Variants in KIAA0586 observed in about 807,000 individuals in gnomAD.
KIAA0586 encodes KIAA0586.
A neutral mutation model predicts 169.8 loss-of-function variants in KIAA0586; 144 were observed. That is an observed-to-expected ratio of 0.85 (90% CI 0.74 to 0.97). The LOEUF (loss-of-function observed/expected upper bound fraction) is 0.97. KIAA0586 is among the 50% of genes least tolerant of loss of function. KIAA0586 has a pLI of 0.00. For synonymous variants in KIAA0586, 625 were observed against 612.4 expected (o/e 1.02, Z -0.30); for missense variants, 1,854 against 1,823.0 (o/e 1.02, Z -0.31).
rs373215540 is a variant in KIAA0586 at position 58,522,585 on chromosome 14, G to C, written c.4429+9958G>C. On this transcript the variant is annotated intron_variant, in intron 29 of 30. Coordinates refer to ENST00000652326, the MANE Select transcript of KIAA0586 (RefSeq NM_001329943.3). The stretch of plus-strand genomic sequence containing the variant: ...AGTTGATACTGTGGGTTATTTTTGT[G>C]AACAGCCTGATGTTTGGGACCTTTT... 8.5e-5 allele frequency among the ~76,000 whole-genome samples: 13 copies of C among 152,178 alleles called. 1 individual carries two copies. Among genetic ancestry groups the C allele is most frequent in the Admixed American group, 8.5e-4 (13 of 15,286 alleles).
chr14:58,504,892 T>C (rs548186084), intron 27 of KIAA0586, among the ~76,000 whole-genome samples: 1 of 152,198 alleles, frequency 6.6e-6, no homozygotes, highest in Non-Finnish European at 1.5e-5. Flanking sequence ...CACACTGATA[T>C]TAATCTCATG....
rs568801323 is a variant in KIAA0586, at chr14:58,488,303, G to T, written c.3527+194G>T. On this transcript the variant is annotated intron_variant, in intron 23 of 30. Coordinates refer to ENST00000652326, the MANE Select transcript of KIAA0586 (RefSeq NM_001329943.3). ...ATACCTTCACCTTTTTTCTTAAAAG[G>T]TTTGAAATAGCTAGAAATAAAGGTA... is the stretch of plus-strand genomic sequence containing the variant. 2.6e-5 allele frequency among the ~76,000 whole-genome samples: 4 copies of T among 152,102 alleles called. No homozygotes were observed. In the South Asian group the frequency reaches 6.2e-4, roughly 24 times the overall value.
intron 8 of KIAA0586, among the ~76,000 whole-genome samples, chr14:58,451,497 G>A (rs2039387156): frequency 6.6e-6 from 1 of 152,126 alleles, no homozygotes; most frequent in Non-Finnish European, 1.5e-5. Flanking sequence ...AAAGTGCTGG[G>A]ATTACAGATG....
rs192781224 is a variant in KIAA0586 at position 58,542,556 on chromosome 14, G to T, written c.4495+2420G>T. ...GTACATTTTATTGCTATAACTTCTT[G>T]ATTAAAACACAGTTAACTAGAGTTT... is the stretch of plus-strand genomic sequence containing the variant. On this transcript the variant is annotated intron_variant, in intron 30 of 30. Coordinates refer to ENST00000652326, the MANE Select transcript of KIAA0586 (RefSeq NM_001329943.3). Among the ~76,000 whole-genome samples the T allele has an allele frequency of 3.3e-5, 5 of 152,028 alleles. No individual in the cohort carries two copies. In the South Asian group the frequency reaches 6.2e-4, roughly 19 times the overall value.
chr14:58,492,357 C>T (rs2042890419), intron 26 of KIAA0586, 82 bp downstream of exon 26: 1 of 1,289,034 alleles, frequency 7.8e-7, no homozygotes, highest in East Asian at 2.6e-5. Flanking sequence ...CTAGTTAAAG[C>T]ATGCTAGTAT....
In KIAA0586 at chr14:58,490,232, G is replaced by T. The variant is rs374292446; in HGVS notation, c.3850G>T (p.Val1284Phe). Residue 1284 changes from valine (V) to phenylalanine (F), a missense_variant, in exon 25 of 31, where the codon GTT (valine) becomes TTT (phenylalanine). Transcript: ENST00000652326. Reference sequence around the variant, plus strand: ...CTTATCCAGCACTCTGCATGATGCCGTTGAAATGGTAAGTAACGATTGACT... The same window carrying T: ...CTTATCCAGCACTCTGCATGATGCCTTTGAAATGGTAAGTAACGATTGACT... ...DSLSSTLHDA[V>F]EMEDDPPSEG... 10 of 1,522,436 alleles carry T rather than the reference G, an allele frequency of 6.6e-6. No homozygotes were observed. The South Asian group carries it at 1.1e-4, about 17-fold the overall frequency. 94.3% of individuals were successfully genotyped at this position (1,522,436 alleles called of 1,614,324 possible). A position where few individuals can be genotyped will look rare whatever the true frequency, so the allele number is the denominator to read the frequency against.
intron 29 of KIAA0586, among the ~76,000 whole-genome samples, chr14:58,531,587 G>T (rs1180058821): frequency 6.6e-6 from 1 of 152,120 alleles, no homozygotes; most frequent in East Asian, 1.9e-4. Flanking sequence ...TACACTGTTG[G>T]TGGGAATATA....
intron 3 of KIAA0586, 71 bp from the exon 4 acceptor site, chr14:58,432,317 T>C: frequency 1.1e-6 from 1 of 931,398 alleles, no homozygotes; most frequent in Non-Finnish European, 1.6e-6. Context: ...AAAAAGATTT[T>C]TTTAGTAGCT....
intron 16 of KIAA0586, 65 bp from the exon 17 acceptor site, chr14:58,470,548 C>A: frequency 1.1e-6 from 1 of 916,126 alleles, no homozygotes; most frequent in Non-Finnish European, 1.8e-6. Context: ...TGTATATACA[C>A]ATACTCATAA....
rs80327758 is a variant in KIAA0586, at chr14:58,533,715, T to C, written c.4430-6356T>C. The stretch of plus-strand genomic sequence containing the variant: ...TGGCAGGGCCTATACAGCTGTGCCT[T>C]ACAGCTTGGAACTATTACCCAGAGT... On this transcript the variant is annotated intron_variant, in intron 29 of 30. Coordinates refer to ENST00000652326, the MANE Select transcript of KIAA0586 (RefSeq NM_001329943.3). 3.3e-3 allele frequency among the ~76,000 whole-genome samples: 504 copies of C among 152,310 alleles called. 6 individuals carry two copies. Among genetic ancestry groups the C allele is most frequent in the African/African-American group, 0.012 (483 of 41,556 alleles).
chr14:58,521,791 G>A, intron 29 of KIAA0586: 2 of 807,212 alleles, frequency 2.5e-6, no homozygotes, highest in South Asian at 1.3e-5. Flanking sequence ...GAGCAGAGCA[G>A]TAGTTCCATG....
chr14:58,428,394 C>G lies in KIAA0586; in HGVS notation c.130C>G (p.Pro44Ala). Residue 44 changes from proline (P) to alanine (A), a missense_variant, in exon 1 of 31, where the codon CCT becomes GCT. By Grantham distance (27) the Pro-to-Ala change is conservative. Coordinates refer to ENST00000652326, the MANE Select transcript of KIAA0586 (RefSeq NM_001329943.3). ...VLLKDELPCV[P>A]PALSANKRLP... ...GCTGAAAGATGAGTTGCCCTGTGTT[C>G]CTCCGGCATTGTCTGCAAATAAACG... 1 of 1,613,918 alleles carries G rather than the reference C, an allele frequency of 6.2e-7. No individual in the cohort carries two copies. Among genetic ancestry groups the G allele is most frequent in the South Asian group, 1.1e-5 (1 of 91,080 alleles).
At chr14:58,506,453 C>T (rs1185921013) in intron 27 of KIAA0586, among the ~76,000 whole-genome samples, 7 of 151,268 alleles carry the variant, frequency 4.6e-5, no homozygotes, top group African/African-American at 9.7e-5. Context: ...ACGAGGTGAG[C>T]GGATCACTTG....
chr14:58,544,521 C>A (rs1403502341), intron 30 of KIAA0586, among the ~76,000 whole-genome samples: 1 of 152,180 alleles, frequency 6.6e-6, no homozygotes, highest in African/African-American at 2.4e-5. Context: ...TGCAACCTCA[C>A]CAGCATCTGT....
At chr14:58,448,784 C>T (rs1450112527) in intron 7 of KIAA0586, among the ~76,000 whole-genome samples, 1 of 151,802 alleles carries the variant, frequency 6.6e-6, no homozygotes, top group Non-Finnish European at 1.5e-5. Context: ...TTTAATTAAT[C>T]TCATAAATTA....
chr14:58,490,087 C>T, intron 24 of KIAA0586, 77 bp from the exon 25 acceptor site: 2 of 691,602 alleles, frequency 2.9e-6, no homozygotes, highest in Non-Finnish European at 4.7e-6. Flanking sequence ...ATCTAATATG[C>T]TATGGCTTTA....
In KIAA0586 at chr14:58,504,662, T is replaced by C. The variant is rs370555454; in HGVS notation, c.4169-3893T>C. Among the ~76,000 whole-genome samples, 4 of 152,302 alleles carry C rather than the reference T, an allele frequency of 2.6e-5. 1 individual carries two copies. ...TTAATTAAATTAAATTTGACTTGAA[T>C]GAAATAATATTTTAAATATCCCTCT... is the stretch of plus-strand genomic sequence containing the variant. On this transcript the variant is annotated intron_variant, in intron 27 of 30. Transcript: ENST00000652326.
At chr14:58,502,657 T>TTGTAAAGCTCAGTGTA (rs2043655790) in intron 27 of KIAA0586, among the ~76,000 whole-genome samples, 1 of 152,222 alleles carries the variant, frequency 6.6e-6, no homozygotes, top group Non-Finnish European at 1.5e-5. Context: ...TGTAAAGTAC[T>TTGTAAAGCTCAGTGTA]AAGCTCAGTG....
At chr14:58,441,531 G>A (rs1169114563) in intron 4 of KIAA0586, among the ~76,000 whole-genome samples, 1 of 151,942 alleles carries the variant, frequency 6.6e-6, no homozygotes, top group Non-Finnish European at 1.5e-5. Context: ...ATAAATATTT[G>A]GAGGATGAAA....
Sources: allele counts gnomAD v4.1 joint callset (sites outside exome capture counted in the v4.1 genomes callset), GRCh38; gene constraint gnomAD v4.1.1; transcripts MANE v1.5; gene names NCBI Gene and HGNC (gene_info 2026-07-23, HGNC 2026-07-21).